The following NLRP3 variants were observed in gnomAD, a reference collection of about 807,000 sequenced individuals.
NLRP3 encodes NLR family pyrin domain containing 3, also known as NACHT, LRR and PYD domains-containing protein 3.
Under a neutral mutation model 91.3 loss-of-function variants are expected in NLRP3, and 48 were observed. The observed-to-expected ratio is 0.53, with a 90% CI of 0.42 to 0.67. The LOEUF (loss-of-function observed/expected upper bound fraction) is 0.67, where lower values mean the gene tolerates loss of function less well. Among genes scored for constraint, NLRP3 ranks in the 30% least tolerant of loss-of-function variants. The pLI is 0.00. For missense variants in NLRP3, 982 were observed against 1,276.9 expected (o/e 0.77, Z 3.52); for synonymous variants, 561 against 507.9 (o/e 1.10, Z -1.41).
intron 5 of NLRP3, among the ~76,000 whole-genome samples, chr1:247,431,600 G>A (rs1663334411): frequency 1.3e-5 from 2 of 152,086 alleles, no homozygotes; most frequent in South Asian, 4.1e-4. Context: ...TCTTTGCCAC[G>A]CCTGGACAGA....
intron 7 of NLRP3, among the ~76,000 whole-genome samples, chr1:247,442,366 C>A (rs10157521): frequency 6.6e-6 from 1 of 152,096 alleles, no homozygotes; most frequent in Non-Finnish European, 1.5e-5. Flanking sequence ...CAATCACCTG[C>A]GCTATTCCTG....
Position 247,424,953 on chromosome 1 carries a change from A to G in NLRP3, c.1504A>G (p.Arg502Gly), listed in dbSNP as rs1662756609. ...GAAGGCGGATGTGTCTGCTTTCCTG[A>G]GGATGAACCTGTTCCAAAAGGAAGT... The part of the protein sequence containing the change: ...LQKADVSAFL[R>G]MNLFQKEVDC... Residue 502 changes from arginine to glycine, a missense_variant, in exon 4 of 10, where the codon AGG becomes GGG. Arg to Gly is a moderately radical substitution (Grantham distance 125, BLOSUM62 -2). Transcript: ENST00000336119. This position sits in a 1 kb window ranked among gnomAD's most constrained non-coding sequence, Gnocchi z 8.1. 2.5e-6 allele frequency: 4 copies of G among 1,613,994 alleles called. No homozygotes were observed. Among genetic ancestry groups the G allele is most frequent in the Admixed American group, 3.3e-5 (2 of 60,010 alleles).
Position 247,418,565 on chromosome 1 carries a change from G to T in NLRP3, c.-236G>T, listed in dbSNP as rs1268370586. The T allele has an allele frequency of 1.1e-5, 6 of 524,450 alleles. No individual in the cohort carries two copies. 32.5% of individuals were successfully genotyped at this position (524,450 alleles called of 1,614,324 possible). A position where few individuals can be genotyped will look rare whatever the true frequency, so the allele number is the denominator to read the frequency against. On this transcript the variant is annotated 5_prime_UTR_variant, in exon 2 of 10. Transcript: ENST00000336119. The stretch of plus-strand genomic sequence containing the variant: ...GATCTGCCTGCCTTGGCCTCTCAAA[G>T]TGCTGGGATTACAGGCGTGAGCCAC...
intron 2 of NLRP3, 87 bp downstream of exon 2, chr1:247,419,164 ATT>A (rs796602770): frequency 3.1e-4 from 217 of 693,310 alleles, no homozygotes; most frequent in African/African-American, 3.0e-3. Flanking sequence ...ATATATATAT[ATT>A]TTTTTTTGAG....
At chr1:247,441,117 CTTT>C (rs1558206985) in intron 7 of NLRP3, among the ~76,000 whole-genome samples, 4 of 95,428 alleles carry the variant, frequency 4.2e-5, no homozygotes, top group Non-Finnish European at 9.1e-5. Context: ...TTCTTTCTCT[CTTT>C]TTCTTTTTCT....
rs181444689 is a variant in NLRP3, at chr1:247,426,517, A to G, written c.2150+918A>G. Among the ~76,000 whole-genome samples, 11 of 152,338 alleles carry G rather than the reference A, an allele frequency of 7.2e-5. No individual in the cohort carries two copies. The East Asian group carries it at 1.7e-3, about 24-fold the overall frequency. ...CTTGACGTGGGGCAAAATTAAGGGA[A>G]ACAGGAGGCTTGGCCCTTCCACAGG... On this transcript the variant is annotated intron_variant, in intron 4 of 9. Transcript: ENST00000336119.
intron 7 of NLRP3, among the ~76,000 whole-genome samples, chr1:247,440,078 G>GGTTAGGTATAGCCTACGT (rs144084486): frequency 6.6e-6 from 1 of 151,398 alleles, no homozygotes; most frequent in Non-Finnish European, 1.5e-5. Context: ...ATAGCCTATG[G>GGTTAGGTATAGCCTACGT]GTTAGGTATA....
intron 7 of NLRP3, among the ~76,000 whole-genome samples, chr1:247,438,387 T>G (rs955150560): frequency 2.8e-5 from 4 of 141,768 alleles, no homozygotes; most frequent in African/African-American, 1.1e-4. Flanking sequence ...TGTTTTTTTT[T>G]TTTTTTTTTT....
At chr1:247,442,302 A>G (rs74815978) in intron 7 of NLRP3, among the ~76,000 whole-genome samples, 7,244 of 152,188 alleles carry the variant, frequency 0.048, 271 homozygotes, top group Admixed American at 0.11. Context: ...TGCCTCGTAG[A>G]CACCAAAGAG....
chr1:247,419,182 G>A (rs1395277268), intron 2 of NLRP3, 105 bp downstream of exon 2: 10 of 736,238 alleles, frequency 1.4e-5, no homozygotes, highest in Non-Finnish European at 1.6e-5. Context: ...TTGAGACGGA[G>A]TTGCTCTTGT....
Position 247,444,832 on chromosome 1 carries a change from T to A in NLRP3, c.3005+11T>A, listed in dbSNP as rs763587260. On this transcript the variant is annotated intron_variant, in intron 9 of 9. Coordinates refer to ENST00000336119, the MANE Select transcript of NLRP3 (RefSeq NM_001243133.2). ...CCTGCAGAACCTGGGGTGAGTGTGC[T>A]CTGCAGAGATGCCCGTGGTGGGACT... The A allele has an allele frequency of 9.3e-6, 15 of 1,613,358 alleles. No homozygotes were observed. The South Asian group carries it at 1.3e-4, about 14-fold the overall frequency.
chr1:247,430,353 C>T (rs138555997), intron 5 of NLRP3, among the ~76,000 whole-genome samples: 139 of 152,274 alleles, frequency 9.1e-4, no homozygotes, highest in Non-Finnish European at 1.8e-3. Flanking sequence ...GTACTGATGC[C>T]ATCTTGCCTT....
intron 5 of NLRP3, 46 bp downstream of exon 5, chr1:247,429,801 G>C (rs1480874234): frequency 6.3e-7 from 1 of 1,587,676 alleles, no homozygotes; most frequent in South Asian, 1.1e-5. Context: ...GTTCATATGA[G>C]AGAGAGAGAG....
rs1662730999 is a variant in NLRP3, at chr1:247,424,663, C to T, written c.1214C>T (p.Thr405Ile). The T allele has an allele frequency of 6.2e-7, 1 of 1,614,266 alleles. No homozygotes were observed. The highest frequency in any genetic ancestry group is 8.5e-7 in the Non-Finnish European group (1 of 1,180,046). The change falls in exon 4 of 10, where the codon ACC (threonine) becomes ATC (isoleucine). Residue 405 changes from threonine to isoleucine, a missense_variant. Coordinates refer to ENST00000336119, the MANE Select transcript of NLRP3 (RefSeq NM_001243133.2). This position sits in a 1 kb window ranked among gnomAD's most constrained non-coding sequence, Gnocchi z 8.1. ...ATTCAGGAGAACGAGGTCCTCTTCA[C>T]CATGTGCTTCATCCCCCTGGTCTGC... ...SLIQENEVLF[T>I]MCFIPLVCWI...
chr1:247,445,595 C>T (rs1034313315), intron 9 of NLRP3, among the ~76,000 whole-genome samples: 2 of 152,168 alleles, frequency 1.3e-5, no homozygotes, highest in Admixed American at 6.5e-5. Context: ...ATTGCCAGCC[C>T]ACCTCTGTGA....
In NLRP3 at chr1:247,448,736, C is replaced by T. The variant is rs1437220750; in HGVS notation, c.*232C>T. The stretch of plus-strand genomic sequence containing the variant: ...CAATGACAGCATCGGGTGTTGTTGT[C>T]ATCACAGCGCCTCAGTTAGAGGATG... On this transcript the variant is annotated 3_prime_UTR_variant, in exon 10 of 10. Transcript: ENST00000336119. 3.5e-6 allele frequency: 2 copies of T among 566,820 alleles called. No individual in the cohort carries two copies. Among genetic ancestry groups the T allele is most frequent in the African/African-American group, 3.8e-5 (2 of 53,062 alleles). 35.1% of individuals were successfully genotyped at this position (566,820 alleles called of 1,614,324 possible).
chr1:247,435,045 A>G (rs1218873706), intron 6 of NLRP3, among the ~76,000 whole-genome samples: 1 of 152,166 alleles, frequency 6.6e-6, no homozygotes, highest in Non-Finnish European at 1.5e-5. Flanking sequence ...GGAGGTCGGG[A>G]GTTCGAGACT....
At chr1:247,419,453 C>A (rs917685403) in intron 2 of NLRP3, among the ~76,000 whole-genome samples, 5 of 152,122 alleles carry the variant, frequency 3.3e-5, no homozygotes, top group African/African-American at 9.7e-5. Context: ...CCGCGCCCGG[C>A]CGTAATAATT....
At chr1:247,416,224 G>A (rs894093725) in intron 1 of NLRP3, 31 bp downstream of exon 1, 1 of 152,544 alleles carries the variant, frequency 6.6e-6, no homozygotes, top group African/African-American at 2.4e-5. Flanking sequence ...CAGTGTGGGC[G>A]ACAGGACCGG....
Sources: gnomAD v4.1 joint callset for allele counts (sites outside exome capture counted in the v4.1 genomes callset) on GRCh38, gnomAD v4.1.1 for gene constraint, Gnocchi (gnomAD v3.1) non-coding constraint, MANE v1.5 for transcripts, NCBI Gene and HGNC (gene_info 2026-07-23, HGNC 2026-07-21) for gene names.